Variants in CHD6 observed in about 807,000 individuals in gnomAD.
The protein encoded by CHD6 is ATP-dependent chromatin remodeler CHD6.
In CHD6, 50 loss-of-function variants were observed where a neutral mutation model predicts 276.9. The ratio of observed to expected loss-of-function variants is 0.18; its 90% CI spans 0.14 to 0.23. The LOEUF (loss-of-function observed/expected upper bound fraction) is 0.23, where lower values mean the gene tolerates loss of function less well. Ranked by LOEUF, CHD6 falls within the 10% of genes least tolerant of loss-of-function variation. The pLI, the probability that CHD6 is intolerant of heterozygous loss-of-function variation, is 1.00. For synonymous variants in CHD6, 1,173 were observed against 1,229.3 expected (o/e 0.95, Z 0.96); for missense variants, 2,564 against 3,365.8 (o/e 0.76, Z 5.89).
intron 29 of CHD6, among the ~76,000 whole-genome samples, chr20:41,424,350 C>CA: frequency 6.6e-6 from 1 of 152,178 alleles, no homozygotes; most frequent in Non-Finnish European, 1.5e-5. Flanking sequence ...AATTATATAC[C>CA]ACCATAGCCA....
rs375596976 is a variant in CHD6 at position 41,405,672 on chromosome 20, T to C, written c.7252-183A>G. 6.6e-5 allele frequency among the ~76,000 whole-genome samples: 10 copies of C among 152,302 alleles called. No homozygotes were observed. The South Asian group carries it at 1.2e-3, about 19-fold the overall frequency. Reference sequence around the variant, plus strand: ...GGCCTGACTGTACCTGACAGGCTTCTCCCTCAGCAGCTGAGAACATTTTGT... The same window carrying C: ...GGCCTGACTGTACCTGACAGGCTTCCCCCTCAGCAGCTGAGAACATTTTGT... On this transcript the variant is annotated intron_variant, in intron 36 of 36. Coordinates refer to ENST00000373233, the MANE Select transcript of CHD6 (RefSeq NM_032221.5).
intron 13 of CHD6, 24 bp from the exon 14 acceptor site, chr20:41,487,832 T>C (rs41278130): frequency 6.9e-5 from 111 of 1,603,814 alleles, no homozygotes; most frequent in Non-Finnish European, 8.9e-5. Context: ...ACATACATGA[T>C]GGACAGTGCT....
At chr20:41,564,336 A>C (rs535488956) in intron 1 of CHD6, among the ~76,000 whole-genome samples, 7 of 152,226 alleles carry the variant, frequency 4.6e-5, no homozygotes, top group Non-Finnish European at 8.8e-5. Context: ...GTATTTTAAA[A>C]ACAGAGTTAT....
chr20:41,600,857 G>A (rs1011492007), intron 1 of CHD6, among the ~76,000 whole-genome samples: 2 of 152,162 alleles, frequency 1.3e-5, no homozygotes, highest in South Asian at 4.1e-4. Flanking sequence ...GCCTACAGGT[G>A]CTGCATGGGT....
rs6072399 is a variant in CHD6, at chr20:41,519,368, A to G, written c.555-4416T>C. On this transcript the variant is annotated intron_variant, in intron 3 of 36. Transcript: ENST00000373233. ...TATGCAAATAATCTTTGACTCAGCA[A>G]TCTACTTACAGGAATGTAATCTAAA... is the stretch of plus-strand genomic sequence containing the variant. Among the ~76,000 whole-genome samples, 939 of 152,342 alleles carry G rather than the reference A, an allele frequency of 6.2e-3. 6 individuals carry two copies. The highest frequency in any genetic ancestry group is 0.017 in the Middle Eastern group (5 of 294).
intron 14 of CHD6, chr20:41,486,315 C>T (rs567993905): frequency 6.6e-6 from 1 of 152,266 alleles, no homozygotes; most frequent in East Asian, 1.9e-4. Flanking sequence ...AAGATGTGGG[C>T]CTTGTCCTCA....
chr20:41,519,824 G>C (rs1026586739), intron 3 of CHD6, among the ~76,000 whole-genome samples: 11 of 152,182 alleles, frequency 7.2e-5, no homozygotes, highest in Non-Finnish European at 1.2e-4. Context: ...ATTGACAAAT[G>C]GGATCTAATT....
intron 2 of CHD6, among the ~76,000 whole-genome samples, chr20:41,546,865 G>A (rs932513982): frequency 8.5e-5 from 13 of 152,114 alleles, no homozygotes; most frequent in Admixed American, 5.9e-4. Flanking sequence ...TTCTCACAAC[G>A]ATTCTTTAGG....
chr20:41,406,702 G>C (rs1161443152), intron 36 of CHD6, among the ~76,000 whole-genome samples: 1 of 152,210 alleles, frequency 6.6e-6, no homozygotes, highest in Non-Finnish European at 1.5e-5. Flanking sequence ...TTTCTTTCAG[G>C]ACTTAGTGCC....
Position 41,405,441 on chromosome 20 carries a change from G to T in CHD6, c.7300C>A (p.Leu2434Ile), listed in dbSNP as rs1284724329. Residue 2434 changes from leucine (L) to isoleucine (I), a missense_variant, in exon 37 of 37, where the codon CTT becomes ATT. Leu to Ile is a conservative substitution (Grantham distance 5, BLOSUM62 2). Transcript: ENST00000373233. Reference protein sequence around the residue: ...KFNHTLAEPILRDTGPRRRGR... With the variant: ...KFNHTLAEPIIRDTGPRRRGR... ...CTCCTGCGGGGGCCCGTATCTCGAA[G>T]AATAGGCTCAGCCAGAGTGTGATTG... 6.2e-7 allele frequency: 1 copy of T among 1,602,296 alleles called. No individual in the cohort carries two copies.
intron 16 of CHD6, among the ~76,000 whole-genome samples, chr20:41,482,799 A>G (rs1024894370): frequency 6.6e-6 from 1 of 152,170 alleles, no homozygotes; most frequent in Admixed American, 6.5e-5. Context: ...GAGTATGAAC[A>G]AGAAAATAAA....
intron 2 of CHD6, among the ~76,000 whole-genome samples, chr20:41,535,943 A>T (rs1027182200): frequency 6.6e-6 from 1 of 152,236 alleles, no homozygotes; most frequent in African/African-American, 2.4e-5. Flanking sequence ...TTGATGAAAA[A>T]GCAGATATTA....
chr20:41,485,169 G>A (rs6029704), intron 14 of CHD6, among the ~76,000 whole-genome samples: 3 of 152,054 alleles, frequency 2.0e-5, no homozygotes, highest in Middle Eastern at 6.8e-3. Context: ...TCACATCAGG[G>A]GCACTTTAAG....
chr20:41,439,717 T>C (rs1203250972), intron 26 of CHD6, among the ~76,000 whole-genome samples: 2 of 152,140 alleles, frequency 1.3e-5, no homozygotes, highest in African/African-American at 2.4e-5. Context: ...GGGATGGACA[T>C]GGTTAGAAAG....
intron 2 of CHD6, among the ~76,000 whole-genome samples, chr20:41,538,561 T>C (rs568174478): frequency 6.6e-6 from 1 of 152,324 alleles, no homozygotes; most frequent in South Asian, 2.1e-4. Flanking sequence ...ATAGTGGCGA[T>C]GTTTACACAA....
intron 1 of CHD6, among the ~76,000 whole-genome samples, chr20:41,591,052 T>C (rs2045652560): frequency 1.3e-5 from 2 of 152,050 alleles, no homozygotes; most frequent in South Asian, 4.2e-4. Context: ...TGAGTTCATG[T>C]CCTTTGTAGG....
rs375386721 is a variant in CHD6, at chr20:41,501,392, C to T, written c.853-2035G>A. Among the ~76,000 whole-genome samples, 228 of 152,210 alleles carry T rather than the reference C, an allele frequency of 1.5e-3. 1 individual carries two copies. The Middle Eastern group carries it at 0.02, about 14-fold the overall frequency. ...AAGTTTATATAATTTTTCCAACACT[C>T]TGAAAAATCCTGTGCCCTCACTGTA... On this transcript the variant is annotated intron_variant, in intron 5 of 36. Coordinates refer to ENST00000373233, the MANE Select transcript of CHD6 (RefSeq NM_032221.5).
chr20:41,609,855 C>CTTTTTTTTTTTTTTTTTTT (rs369159347), intron 1 of CHD6, among the ~76,000 whole-genome samples: 27 of 128,214 alleles, frequency 2.1e-4, no homozygotes, highest in East Asian at 4.6e-4. Flanking sequence ...TTTCTTTTTT[C>CTTTTTTTTTTTTTTTTTTT]TTTTTTTTTT....
intron 27 of CHD6, among the ~76,000 whole-genome samples, chr20:41,432,491 T>G (rs1195511223): frequency 6.6e-6 from 1 of 152,114 alleles, no homozygotes; most frequent in Non-Finnish European, 1.5e-5. Context: ...GAGCTAAACT[T>G]CCATTCCTGC....
Sources: allele counts gnomAD v4.1 joint callset (sites outside exome capture counted in the v4.1 genomes callset), GRCh38; gene constraint gnomAD v4.1.1; transcripts MANE v1.5; gene names NCBI Gene and HGNC (gene_info 2026-07-23, HGNC 2026-07-21).